Variants in AKAP19 observed in about 807,000 individuals in gnomAD.
The protein encoded by AKAP19 is A-kinase anchoring protein 19.
At chr2:190,106,183 T>A in the AKAP19 span, among the ~76,000 whole-genome samples, 1 of 152,210 alleles carries the variant, frequency 6.6e-6, no homozygotes, top group Non-Finnish European at 1.5e-5. Context: ...AACATAGGAT[T>A]TAACCGTATT....
At chr2:189,978,050 G>A in the AKAP19 span, among the ~76,000 whole-genome samples, 73 of 152,234 alleles carry the variant, frequency 4.8e-4, no homozygotes, top group African/African-American at 1.6e-3. Context: ...TGTTTAAGGT[G>A]GGCTAGGCTA....
the AKAP19 span, chr2:189,923,708 A>C: frequency 1.1e-4 from 176 of 1,613,768 alleles, 1 homozygote; most frequent in Non-Finnish European, 1.3e-4. Context: ...TAGGATGTAC[A>C]GTTACCCAGC....
chr2:190,046,153 G>A, the AKAP19 span, among the ~76,000 whole-genome samples: 2 of 149,912 alleles, frequency 1.3e-5, no homozygotes. Context: ...GTACCTGGAT[G>A]TTTCAGTTGA....
the AKAP19 span, chr2:190,199,881 G>A: frequency 6.2e-6 from 10 of 1,613,748 alleles, no homozygotes; most frequent in Middle Eastern, 1.7e-4. Context: ...TGAAATCAAA[G>A]CAAACTTTCC....
chr2:190,178,285 T>G, the AKAP19 span, among the ~76,000 whole-genome samples: 1 of 152,194 alleles, frequency 6.6e-6, no homozygotes, highest in African/African-American at 2.4e-5. The surrounding 1 kb of genome is among the most constrained non-coding windows in gnomAD (Gnocchi z 6.3). Context: ...AAGTCTTACA[T>G]GGCACCATCT....
At chr2:189,950,879 T>C in the AKAP19 span, among the ~76,000 whole-genome samples, 4 of 152,186 alleles carry the variant, frequency 2.6e-5, no homozygotes, top group Non-Finnish European at 4.4e-5. Flanking sequence ...GCTGCCCACT[T>C]ACCAACCTTT....
At chr2:190,002,135 T>A in the AKAP19 span, among the ~76,000 whole-genome samples, 1 of 152,204 alleles carries the variant, frequency 6.6e-6, no homozygotes, top group Non-Finnish European at 1.5e-5. Context: ...ACACCACACA[T>A]TCCTAACGTT....
chr2:190,179,853 A>C, the AKAP19 span, among the ~76,000 whole-genome samples: 3 of 152,290 alleles, frequency 2.0e-5, no homozygotes, highest in East Asian at 5.8e-4. This position sits in a 1 kb window ranked among gnomAD's most constrained non-coding sequence, Gnocchi z 6.0. Context: ...GCATTGACTA[A>C]TCCGTTGTAG....
the AKAP19 span, among the ~76,000 whole-genome samples, chr2:190,191,998 T>C: frequency 6.6e-6 from 1 of 152,156 alleles, no homozygotes; most frequent in Non-Finnish European, 1.5e-5. Flanking sequence ...TTTTCTTTCA[T>C]GGTTCATGCT....
At chr2:189,994,782 A>T in the AKAP19 span, among the ~76,000 whole-genome samples, 5 of 151,878 alleles carry the variant, frequency 3.3e-5, no homozygotes, top group African/African-American at 4.8e-5. Flanking sequence ...TATTTTTAGT[A>T]AAGACAGGGT....
the AKAP19 span, chr2:189,930,730 C>A: frequency 1.6e-6 from 1 of 625,570 alleles, no homozygotes; most frequent in Non-Finnish European, 2.9e-6. Flanking sequence ...GTCCATCATA[C>A]AGATCACACA....
chr2:189,905,361 A>G, the AKAP19 span, among the ~76,000 whole-genome samples: 1 of 151,990 alleles, frequency 6.6e-6, no homozygotes, highest in East Asian at 1.9e-4. Flanking sequence ...TTTACCTCAT[A>G]TTCAACAGCT....
At chr2:190,135,285 T>C in the AKAP19 span, among the ~76,000 whole-genome samples, 1 of 152,178 alleles carries the variant, frequency 6.6e-6, no homozygotes, top group South Asian at 2.1e-4. Context: ...CCCTTTGTTC[T>C]TGCTACTTAA....
the AKAP19 span, among the ~76,000 whole-genome samples, chr2:190,015,131 C>G: frequency 6.6e-6 from 1 of 152,294 alleles, no homozygotes; most frequent in African/African-American, 2.4e-5. Flanking sequence ...CTCCACTAGG[C>G]AGGGCCCCAG....
At chr2:189,980,459 C>T in the AKAP19 span, among the ~76,000 whole-genome samples, 3 of 152,098 alleles carry the variant, frequency 2.0e-5, no homozygotes, top group Non-Finnish European at 2.9e-5. Context: ...CTCAGCCTTC[C>T]GAGTAGCTGG....
At chr2:190,043,966 T>G in the AKAP19 span, among the ~76,000 whole-genome samples, 42 of 152,268 alleles carry the variant, frequency 2.8e-4, no homozygotes, top group African/African-American at 9.9e-4. Flanking sequence ...GTTAGTGAGG[T>G]ATTTTTGGTG....
At chr2:190,180,908 C>G in the AKAP19 span, 2 of 985,290 alleles carry the variant, frequency 2.0e-6, no homozygotes. This position sits in a 1 kb window ranked among gnomAD's most constrained non-coding sequence, Gnocchi z 6.8. Flanking sequence ...GAAGGCGGCG[C>G]CGCTGCCCTG....
the AKAP19 span, among the ~76,000 whole-genome samples, chr2:189,927,664 A>G: frequency 6.6e-6 from 1 of 152,182 alleles, no homozygotes; most frequent in Non-Finnish European, 1.5e-5. Context: ...TAAACAGTTC[A>G]GTGTTTTTTC....
At chr2:189,946,585 C>A in the AKAP19 span, among the ~76,000 whole-genome samples, 1 of 152,126 alleles carries the variant, frequency 6.6e-6, no homozygotes. Context: ...GACACTTGAA[C>A]TTCCTGTTTC....
Sources: allele counts gnomAD v4.1 joint callset (sites outside exome capture counted in the v4.1 genomes callset), GRCh38; gene constraint gnomAD v4.1.1; non-coding constraint Gnocchi (gnomAD v3.1); transcripts MANE v1.5; gene names NCBI Gene and HGNC (gene_info 2026-07-23, HGNC 2026-07-21).